Variants in DLG2 observed in about 807,000 individuals in gnomAD.
DLG2 encodes the protein discs large MAGUK scaffold protein 2, also known as disks large homolog 2.
DLG2 carries 45 observed loss-of-function variants against 132.5 expected under a neutral mutation model. That is an observed-to-expected ratio of 0.34 (90% CI 0.27 to 0.44). The LOEUF (loss-of-function observed/expected upper bound fraction) is 0.44, where lower values mean the gene tolerates loss of function less well. Ranked by LOEUF, DLG2 falls within the 20% of genes least tolerant of loss-of-function variation. DLG2 has a pLI of 1.00. For synonymous variants in DLG2, 424 were observed against 419.6 expected (o/e 1.01, Z -0.13); for missense variants, 1,045 against 1,196.9 (o/e 0.87, Z 1.87).
At chr11:84,981,423 C>T (rs1324564848) in intron 6 of DLG2, among the ~76,000 whole-genome samples, 3 of 152,108 alleles carry the variant, frequency 2.0e-5, no homozygotes, top group Non-Finnish European at 4.4e-5. Flanking sequence ...TTGAGTAACT[C>T]TAAGCAGATC....
chr11:83,779,050 G>T (rs919541599), intron 18 of DLG2, among the ~76,000 whole-genome samples: 2 of 152,026 alleles, frequency 1.3e-5, no homozygotes, highest in African/African-American at 4.8e-5. Flanking sequence ...GTCATGTAAA[G>T]TTTTATTTAA....
chr11:83,874,378 C>A, intron 16 of DLG2, 42 bp downstream of exon 16: 1 of 1,406,374 alleles, frequency 7.1e-7, no homozygotes, highest in Non-Finnish European at 9.7e-7. Context: ...ACTTCATATT[C>A]CAAGGCTGCA....
chr11:85,082,719 G>C (rs1429986409), intron 6 of DLG2, among the ~76,000 whole-genome samples: 1 of 144,284 alleles, frequency 6.9e-6, no homozygotes, highest in Non-Finnish European at 1.5e-5. Flanking sequence ...CAAGCACATG[G>C]TTTTTTCTTT....
chr11:83,947,037 T>G (rs1302303527), intron 14 of DLG2, among the ~76,000 whole-genome samples: 1 of 152,212 alleles, frequency 6.6e-6, no homozygotes, highest in Non-Finnish European at 1.5e-5. Flanking sequence ...TATTATGCAG[T>G]GAAGCCATGG....
chr11:85,529,380 G>A (rs1053306146), intron 3 of DLG2, among the ~76,000 whole-genome samples: 1 of 152,120 alleles, frequency 6.6e-6, no homozygotes, highest in African/African-American at 2.4e-5. Flanking sequence ...AATCTGACTA[G>A]TGTACAAATT....
chr11:84,028,817 C>T (rs1330373842), intron 11 of DLG2, among the ~76,000 whole-genome samples: 1 of 152,076 alleles, frequency 6.6e-6, no homozygotes, highest in African/African-American at 2.4e-5. Flanking sequence ...TCTTTTATGT[C>T]TCTTCTATGA....
intron 6 of DLG2, among the ~76,000 whole-genome samples, chr11:84,666,154 G>C (rs781396924): frequency 3.3e-5 from 5 of 152,096 alleles, no homozygotes; most frequent in Non-Finnish European, 5.9e-5. Flanking sequence ...GTTTCTGTAA[G>C]GGTGTTTGGG....
chr11:83,950,463 G>A (rs905236457), intron 14 of DLG2, among the ~76,000 whole-genome samples: 3 of 152,164 alleles, frequency 2.0e-5, no homozygotes, highest in South Asian at 2.1e-4. Flanking sequence ...GCATGGTGGT[G>A]CATGCCTGTA....
chr11:83,649,353 G>A (rs889659501), intron 18 of DLG2, among the ~76,000 whole-genome samples: 47 of 152,126 alleles, frequency 3.1e-4, no homozygotes, highest in African/African-American at 1.1e-3. Context: ...GTGCTCAAAG[G>A]GAGAAAGGCT....
intron 6 of DLG2, among the ~76,000 whole-genome samples, chr11:84,666,363 T>A (rs1379828544): frequency 6.6e-6 from 1 of 152,172 alleles, no homozygotes; most frequent in Non-Finnish European, 1.5e-5. Flanking sequence ...CAGCTTCTGG[T>A]CTTTGGACTG....
intron 6 of DLG2, among the ~76,000 whole-genome samples, chr11:84,762,632 C>T (rs187215368): frequency 5.1e-4 from 78 of 152,290 alleles, no homozygotes; most frequent in African/African-American, 1.8e-3. Context: ...TTCCACTACC[C>T]TGGCACTACC....
At chr11:84,626,977 T>C (rs1189552538) in intron 6 of DLG2, among the ~76,000 whole-genome samples, 1 of 151,976 alleles carries the variant, frequency 6.6e-6, no homozygotes, top group Non-Finnish European at 1.5e-5. Context: ...GTTCAAGTGA[T>C]TCTCCTGCCC....
intron 12 of DLG2, among the ~76,000 whole-genome samples, chr11:83,967,552 C>A (rs538052243): frequency 6.6e-6 from 1 of 152,118 alleles, no homozygotes; most frequent in Non-Finnish European, 1.5e-5. Flanking sequence ...AATATTTATT[C>A]ATGTCCTCTG....
At chr11:83,663,865 T>G (rs1351433147) in intron 18 of DLG2, among the ~76,000 whole-genome samples, 4 of 152,204 alleles carry the variant, frequency 2.6e-5, no homozygotes, top group Non-Finnish European at 5.9e-5. Flanking sequence ...AATCCATCCA[T>G]CCCTACATTC....
chr11:83,676,941 A>C (rs2077814045), intron 18 of DLG2, among the ~76,000 whole-genome samples: 1 of 152,182 alleles, frequency 6.6e-6, no homozygotes, highest in South Asian at 2.1e-4. Flanking sequence ...TAAATAACTA[A>C]TAATAGACAA....
intron 6 of DLG2, among the ~76,000 whole-genome samples, chr11:84,675,116 G>A (rs575976269): frequency 7.8e-4 from 118 of 152,180 alleles, no homozygotes; most frequent in Non-Finnish European, 1.3e-3. Flanking sequence ...AGCCAGGTAG[G>A]GAATCTGCCA....
intron 6 of DLG2, among the ~76,000 whole-genome samples, chr11:85,048,761 C>G (rs1169292321): frequency 6.6e-6 from 1 of 151,840 alleles, no homozygotes. Flanking sequence ...AATACTTCAA[C>G]AGAATAGAAA....
At chr11:84,842,347 C>G (rs745975657) in intron 6 of DLG2, among the ~76,000 whole-genome samples, 6 of 151,930 alleles carry the variant, frequency 3.9e-5, no homozygotes, top group African/African-American at 1.4e-4. Flanking sequence ...TATCCAGGGC[C>G]ACCAATTAAT....
rs112786887 is a variant in DLG2 at position 84,623,072 on chromosome 11, C to G, written c.358-88341G>C. ...CTCTCTGCTTTCCAGTGGATCCTATCAGTTGTTTGAAGAGTACTATCCCAA... is the reference window on the plus strand; with the variant it reads ...CTCTCTGCTTTCCAGTGGATCCTATGAGTTGTTTGAAGAGTACTATCCCAA... On this transcript the variant is annotated intron_variant, in intron 6 of 27. Transcript: ENST00000376104. Among the ~76,000 whole-genome samples the G allele has an allele frequency of 3.8e-3, 574 of 152,232 alleles. 6 individuals are homozygous for G. Among genetic ancestry groups the G allele is most frequent in the African/African-American group, 0.013 (547 of 41,546 alleles).
Sources: allele counts gnomAD v4.1 joint callset (sites outside exome capture counted in the v4.1 genomes callset), GRCh38; gene constraint gnomAD v4.1.1; transcripts MANE v1.5; gene names NCBI Gene and HGNC (gene_info 2026-07-23, HGNC 2026-07-21).